Variants in CFTR observed in about 807,000 individuals in gnomAD.
CFTR encodes CF transmembrane conductance regulator.
A neutral mutation model predicts 171.6 loss-of-function variants in CFTR; 181 were observed. That is an observed-to-expected ratio of 1.05 (90% CI 0.93 to 1.19). CFTR has a LOEUF of 1.19. Among genes scored for constraint, CFTR ranks in the 50% most tolerant of loss-of-function variants. CFTR has a pLI of 0.00. For synonymous variants in CFTR, 583 were observed against 608.0 expected (o/e 0.96, Z 0.60); for missense variants, 1,968 against 1,734.7 (o/e 1.13, Z -2.39).
chr7:117,607,992 A>G (rs1362594923), intron 18 of CFTR, among the ~76,000 whole-genome samples: 1 of 152,194 alleles, frequency 6.6e-6, no homozygotes, highest in Non-Finnish European at 1.5e-5. Context: ...CCCAAATATA[A>G]TATTATTACA....
At chr7:117,563,692 G>A (rs963120150) in intron 11 of CFTR, among the ~76,000 whole-genome samples, 1 of 152,164 alleles carries the variant, frequency 6.6e-6, no homozygotes, top group Non-Finnish European at 1.5e-5. Flanking sequence ...CAAAGTACTA[G>A]TGGAGGATGC....
intron 1 of CFTR, among the ~76,000 whole-genome samples, chr7:117,480,741 C>T (rs898078204): frequency 6.6e-6 from 1 of 152,136 alleles, no homozygotes; most frequent in Non-Finnish European, 1.5e-5. Flanking sequence ...AGTTACTTCA[C>T]AAGCTATAAA....
In CFTR at chr7:117,602,806, T is replaced by G. The variant is rs2116059148; in HGVS notation, c.2620-20T>G. Reference sequence around the variant, plus strand: ...TGAAGATGTTAGAAAAAAAATCAACTGTGTCTTGTTCCATTCCAGGTGGCT... The same window carrying G: ...TGAAGATGTTAGAAAAAAAATCAACGGTGTCTTGTTCCATTCCAGGTGGCT... On this transcript the variant is annotated intron_variant, in intron 15 of 26. Coordinates refer to ENST00000003084, the MANE Select transcript of CFTR (RefSeq NM_000492.4). 2 of 1,612,888 alleles carry G rather than the reference T, an allele frequency of 1.2e-6. No individual in the cohort carries two copies. The highest frequency in any genetic ancestry group is 1.7e-6 in the Non-Finnish European group (2 of 1,178,864).
chr7:117,591,852 C>T (rs1792029010), intron 13 of CFTR, 82 bp from the exon 14 acceptor site: 2 of 876,820 alleles, frequency 2.3e-6, no homozygotes, highest in Admixed American at 5.2e-5. Context: ...TGCAATAAAA[C>T]ATTAACAAAA....
intron 10 of CFTR, among the ~76,000 whole-genome samples, chr7:117,552,241 G>A (rs1357179986): frequency 4.6e-5 from 7 of 151,844 alleles, no homozygotes; most frequent in African/African-American, 1.5e-4. Context: ...TGACCTTTCC[G>A]CTTCAGCCTC....
intron 4 of CFTR, among the ~76,000 whole-genome samples, chr7:117,531,517 A>C (rs1203819319): frequency 6.6e-6 from 1 of 152,186 alleles, no homozygotes; most frequent in Admixed American, 6.6e-5. Context: ...ATGATAACCC[A>C]AACAACAAAA....
chr7:117,489,163 A>C (rs988793627), intron 1 of CFTR, among the ~76,000 whole-genome samples: 8 of 152,110 alleles, frequency 5.3e-5, no homozygotes, highest in African/African-American at 1.9e-4. Flanking sequence ...ATGCCTTGAA[A>C]TTATACTGCC....
intron 23 of CFTR, among the ~76,000 whole-genome samples, chr7:117,644,390 G>A (rs1792966210): frequency 6.6e-6 from 1 of 151,474 alleles, no homozygotes; most frequent in Non-Finnish European, 1.5e-5. Context: ...TTCAAATTAA[G>A]TAATTTTATC....
intron 7 of CFTR, among the ~76,000 whole-genome samples, chr7:117,538,179 T>C (rs1798989202): frequency 6.6e-6 from 1 of 152,182 alleles, no homozygotes; most frequent in East Asian, 1.9e-4. Flanking sequence ...CAAGAGTTGC[T>C]CCTACTCAAG....
intron 3 of CFTR, among the ~76,000 whole-genome samples, chr7:117,511,576 T>A (rs1215854896): frequency 1.3e-5 from 2 of 151,944 alleles, no homozygotes; most frequent in African/African-American, 4.8e-5. Context: ...TATTGGTGAG[T>A]AAAGGATCCT....
intron 4 of CFTR, among the ~76,000 whole-genome samples, 169 bp downstream of exon 4, chr7:117,531,283 ATAATT>A (rs1254890761): frequency 6.6e-6 from 1 of 152,178 alleles, no homozygotes; most frequent in Admixed American, 6.6e-5. Context: ...ATTATCCTTG[ATAATT>A]TAATTGACTT....
chr7:117,559,156 CT>C (rs1799411447), intron 10 of CFTR, among the ~76,000 whole-genome samples: 1 of 152,194 alleles, frequency 6.6e-6, no homozygotes, highest in Admixed American at 6.5e-5. Context: ...CAACTGTTAG[CT>C]GTTACTAACC....
rs6955409 is a variant in CFTR, at chr7:117,637,096, T to C, written c.3718-5342T>C. Among the ~76,000 whole-genome samples the C allele has an allele frequency of 4.6e-3, 697 of 152,204 alleles. 20 individuals are homozygous for C. The highest frequency in any genetic ancestry group is 2.7e-3 in the East Asian group (14 of 5,180). On this transcript the variant is annotated intron_variant, in intron 22 of 26. Coordinates refer to ENST00000003084, the MANE Select transcript of CFTR (RefSeq NM_000492.4). ...CCTCCCAAATTGCTGGGATTATAGG[T>C]GTGAGCCACCATGCCCTGCCTTTAG...
At chr7:117,506,544 C>T (rs1051014000) in intron 2 of CFTR, among the ~76,000 whole-genome samples, 9 of 152,142 alleles carry the variant, frequency 5.9e-5, no homozygotes, top group Admixed American at 3.3e-4. Context: ...CTATGCCCAG[C>T]TTTGAATATC....
intron 20 of CFTR, among the ~76,000 whole-genome samples, chr7:117,613,048 G>T (rs1272712764): frequency 6.6e-6 from 1 of 152,076 alleles, no homozygotes; most frequent in Non-Finnish European, 1.5e-5. Context: ...CACCTTTGTT[G>T]TTCTCTCAGC....
chr7:117,654,273 C>T (rs1429534942), intron 24 of CFTR, among the ~76,000 whole-genome samples: 2 of 152,202 alleles, frequency 1.3e-5, no homozygotes, highest in African/African-American at 2.4e-5. Flanking sequence ...GTGGTGACCT[C>T]ACCCCTGGGC....
At chr7:117,550,482 A>G (rs561014294) in intron 10 of CFTR, among the ~76,000 whole-genome samples, 1 of 151,838 alleles carries the variant, frequency 6.6e-6, no homozygotes, top group East Asian at 1.9e-4. Context: ...TTAAAATGTT[A>G]TTATTTTTCT....
chr7:117,645,974 T>G (rs2116178784), intron 23 of CFTR, among the ~76,000 whole-genome samples: 1 of 152,312 alleles, frequency 6.6e-6, no homozygotes, highest in South Asian at 2.1e-4. Flanking sequence ...ACACAATAAC[T>G]TGCTTGATAA....
intron 21 of CFTR, among the ~76,000 whole-genome samples, chr7:117,619,758 G>A (rs1221206884): frequency 1.3e-5 from 2 of 152,164 alleles, no homozygotes; most frequent in East Asian, 1.9e-4. Flanking sequence ...GGTGAGCAGG[G>A]AAGGCAATGA....
Sources: allele counts gnomAD v4.1 joint callset (sites outside exome capture counted in the v4.1 genomes callset), GRCh38; gene constraint gnomAD v4.1.1; transcripts MANE v1.5; gene names NCBI Gene and HGNC (gene_info 2026-07-23, HGNC 2026-07-21).